Variants in WFDC2 observed in about 807,000 individuals in gnomAD.
WFDC2 encodes WAP four-disulfide core domain protein 2.
In WFDC2, 8 loss-of-function variants were observed where a neutral mutation model predicts 12.5. That is an observed-to-expected ratio of 0.64 (90% CI 0.37 to 1.15). The LOEUF (loss-of-function observed/expected upper bound fraction) is 1.15, where lower values mean the gene tolerates loss of function less well. WFDC2 is among the 50% of genes most tolerant of loss of function. The pLI is 0.01. For missense variants in WFDC2, 166 were observed against 159.9 expected (o/e 1.04, Z -0.21); for synonymous variants, 74 against 67.2 (o/e 1.10, Z -0.49).
intron 2 of WFDC2, 49 bp from the exon 3 acceptor site, chr20:45,479,893 C>T (rs1438084809): frequency 1.2e-6 from 2 of 1,614,236 alleles, no homozygotes; most frequent in East Asian, 2.2e-5. Flanking sequence ...ACAAGTTAAT[C>T]TCCCTGTATC....
At chr20:45,479,605 T>A (rs1991274181) in intron 2 of WFDC2, 2 of 1,430,560 alleles carry the variant, frequency 1.4e-6, no homozygotes, top group East Asian at 4.6e-5. Flanking sequence ...TATGTTTGTT[T>A]CCCACTGCTT....
At chr20:45,474,704 A>AG (rs1991211827) in intron 2 of WFDC2, among the ~76,000 whole-genome samples, 1 of 152,160 alleles carries the variant, frequency 6.6e-6, no homozygotes, top group Non-Finnish European at 1.5e-5. Context: ...TGAATTAGGG[A>AG]GGAGGCTCTC....
intron 2 of WFDC2, among the ~76,000 whole-genome samples, chr20:45,473,937 T>C (rs1415265769): frequency 6.6e-6 from 1 of 152,196 alleles, no homozygotes; most frequent in Non-Finnish European, 1.5e-5. Flanking sequence ...TTTATTCTCT[T>C]TGTAGCAATT....
At chr20:45,478,073 C>T (rs1991255808) in intron 2 of WFDC2, among the ~76,000 whole-genome samples, 1 of 152,194 alleles carries the variant, frequency 6.6e-6, no homozygotes, top group Non-Finnish European at 1.5e-5. Context: ...GAATTTCAAG[C>T]CAGTGGATGT....
rs544003033 is a variant in WFDC2 at position 45,470,048 on chromosome 20, C to A, written c.79+188C>A. Among the ~76,000 whole-genome samples, 71 of 152,230 alleles carry A rather than the reference C, an allele frequency of 4.7e-4. No individual in the cohort carries two copies. The highest frequency in any genetic ancestry group is 1.7e-3 in the African/African-American group (70 of 41,518). ...GAGGTGGAGAGACCACTGATGGCTG[C>A]AATTTGGGAGGATTCTGTGCTGAAC... On this transcript the variant is annotated intron_variant, in intron 1 of 3. Transcript: ENST00000372676. The surrounding 1 kb of genome is among the most constrained non-coding windows in gnomAD (Gnocchi z 5.4).
chr20:45,470,619 C>G lies in WFDC2; in HGVS notation c.223+87C>G. 1 of 1,455,154 alleles carries G rather than the reference C, an allele frequency of 6.9e-7. No individual in the cohort carries two copies. The highest frequency in any genetic ancestry group is 9.1e-7 in the Non-Finnish European group (1 of 1,103,254). The allele number at this position is 1,455,154 out of a possible 1,614,324, so 90.1% of individuals were successfully genotyped here. The stretch of plus-strand genomic sequence containing the variant: ...AGGGCCCGGGTTCCGGGAACAGGGG[C>G]GCCCCCGGACCCGGGGACCCCCGGG... On this transcript the variant is annotated intron_variant, in intron 2 of 3. Transcript: ENST00000372676. This position sits in a 1 kb window ranked among gnomAD's most constrained non-coding sequence, Gnocchi z 5.4.
In WFDC2 at chr20:45,475,143, A is replaced by AT. The variant is rs201060388; in HGVS notation, c.223+4619dup. On this transcript the variant is annotated intron_variant, in intron 2 of 3. Transcript: ENST00000372676. ...AAAAACCCAGCTTGTGAATTCATTG[A>AT]TTTTTTTTGAAGGGTTTTTCATGTC... Among the ~76,000 whole-genome samples the AT allele has an allele frequency of 2.7e-3, 402 of 151,676 alleles. 2 individuals are homozygous for AT. Among genetic ancestry groups the AT allele is most frequent in the African/African-American group, 9.1e-3 (377 of 41,326 alleles).
At position 45,469,866 on chromosome 20, in the gene WFDC2, T is replaced by C; in HGVS notation, c.79+6T>C. Reference sequence around the variant, plus strand: ...CGGCTTCACCCTAGTCTCAGGTGAGTGGGGCGGGGAGAGGCCCGGCGCCTA... The same window carrying C: ...CGGCTTCACCCTAGTCTCAGGTGAGCGGGGCGGGGAGAGGCCCGGCGCCTA... On this transcript the variant is annotated splice_donor_region_variant and intron_variant, in intron 1 of 3. Coordinates refer to ENST00000372676, the MANE Select transcript of WFDC2 (RefSeq NM_006103.4). 1 of 1,601,218 alleles carries C rather than the reference T, an allele frequency of 6.2e-7. No individual in the cohort carries two copies. Among genetic ancestry groups the C allele is most frequent in the Non-Finnish European group, 8.5e-7 (1 of 1,174,780 alleles).
intron 2 of WFDC2, among the ~76,000 whole-genome samples, chr20:45,477,931 T>G (rs1328674715): frequency 6.6e-6 from 1 of 152,252 alleles, no homozygotes; most frequent in East Asian, 1.9e-4. Flanking sequence ...CTGCCCAGTT[T>G]GAACTTCCTG....
chr20:45,476,967 G>A (rs117427033), intron 2 of WFDC2, among the ~76,000 whole-genome samples: 1,643 of 150,918 alleles, frequency 0.011, 12 homozygotes, highest in Admixed American at 0.02. Flanking sequence ...TGATCAATTC[G>A]GCTATTGATA....
chr20:45,478,025 A>C (rs1330369484), intron 2 of WFDC2, among the ~76,000 whole-genome samples: 1 of 152,142 alleles, frequency 6.6e-6, no homozygotes, highest in African/African-American at 2.4e-5. Context: ...CAAGCTTGAG[A>C]GTTCCAGGTC....
At chr20:45,474,714 C>G (rs1205842239) in intron 2 of WFDC2, among the ~76,000 whole-genome samples, 2 of 152,126 alleles carry the variant, frequency 1.3e-5, no homozygotes, top group Non-Finnish European at 2.9e-5. Context: ...AGGAGGCTCT[C>G]TTTTTCTATT....
intron 2 of WFDC2, among the ~76,000 whole-genome samples, chr20:45,473,263 A>G (rs1181283881): frequency 1.3e-5 from 2 of 152,152 alleles, no homozygotes; most frequent in South Asian, 2.1e-4. Context: ...GCCCATGCCT[A>G]TGTCCTGAAT....
At position 45,470,010 on chromosome 20, in the gene WFDC2, G is replaced by T; in HGVS notation, c.79+150G>T. 1.0e-6 allele frequency: 1 copy of T among 990,666 alleles called. No homozygotes were observed. Among genetic ancestry groups the T allele is most frequent in the Non-Finnish European group, 1.5e-6 (1 of 684,066 alleles). 61.4% of individuals were successfully genotyped at this position (990,666 alleles called of 1,614,324 possible). On this transcript the variant is annotated intron_variant, in intron 1 of 3. Transcript: ENST00000372676. This position sits in a 1 kb window ranked among gnomAD's most constrained non-coding sequence, Gnocchi z 5.4. The stretch of plus-strand genomic sequence containing the variant: ...GGACCCTTGGAGCCTAGGGTGTGGG[G>T]TCCAATGTGCTGGAGGTGGAGAGAC...
rs762824610 is a variant in WFDC2 at position 45,476,708 on chromosome 20, A to T, written c.224-3234A>T. On this transcript the variant is annotated intron_variant, in intron 2 of 3. Transcript: ENST00000372676. ...TGTTCTCTGTATTTCCTGAATTTGA[A>T]TGTTGGCCTTTCTTGCTAGGTTGGG... 2.8e-4 allele frequency among the ~76,000 whole-genome samples: 42 copies of T among 152,210 alleles called. 1 individual carries two copies. In the Middle Eastern group the frequency reaches 0.014, roughly 50 times the overall value.
chr20:45,471,216 T>A (rs529068032), intron 2 of WFDC2: 2 of 468,866 alleles, frequency 4.3e-6, no homozygotes, highest in South Asian at 3.1e-5. Context: ...TCGCCCTTCG[T>A]CGTCTTTCAG....
chr20:45,470,800 C>T lies in WFDC2; in HGVS notation c.223+268C>T, dbSNP rs759219075. On this transcript the variant is annotated intron_variant, in intron 2 of 3. Coordinates refer to ENST00000372676, the MANE Select transcript of WFDC2 (RefSeq NM_006103.4). The surrounding 1 kb of genome is among the most constrained non-coding windows in gnomAD (Gnocchi z 5.4). ...TGACGGGCTTCCGGGCACGCACAGC[C>T]GGGACATTGTTCCCCGCGGCCTGGG... 9.2e-5 allele frequency among the ~76,000 whole-genome samples: 14 copies of T among 152,150 alleles called. No homozygotes were observed. Among genetic ancestry groups the T allele is most frequent in the South Asian group, 2.1e-4 (1 of 4,832 alleles).
In WFDC2 at chr20:45,469,766, G is replaced by A; in HGVS notation, c.-16G>A. 7.3e-7 allele frequency: 1 copy of A among 1,377,324 alleles called. No homozygotes were observed. Among genetic ancestry groups the A allele is most frequent in the South Asian group, 1.2e-5 (1 of 86,114 alleles). 85.3% of individuals were successfully genotyped at this position (1,377,324 alleles called of 1,614,324 possible). On this transcript the variant is annotated 5_prime_UTR_variant, in exon 1 of 4. Transcript: ENST00000372676. ...GAGCATCGGCTCACACCTGCACCCC[G>A]CCCGGGCATAGCACCATGCCTGCTT...
At chr20:45,479,073 C>T (rs980892607) in intron 2 of WFDC2, among the ~76,000 whole-genome samples, 12 of 152,298 alleles carry the variant, frequency 7.9e-5, no homozygotes, top group Middle Eastern at 6.8e-3. Flanking sequence ...GGGCCTGGCT[C>T]CCCTCTATCT....
Sources: gnomAD v4.1 joint callset for allele counts (sites outside exome capture counted in the v4.1 genomes callset) on GRCh38, gnomAD v4.1.1 for gene constraint, Gnocchi (gnomAD v3.1) non-coding constraint, MANE v1.5 for transcripts, NCBI Gene and HGNC (gene_info 2026-07-23, HGNC 2026-07-21) for gene names.